Variants in MAP2 observed in about 807,000 individuals in gnomAD.
MAP2 encodes microtubule associated protein 2.
A neutral mutation model predicts 137.6 loss-of-function variants in MAP2; 14 were observed. The observed-to-expected ratio is 0.10, with a 90% confidence interval of 0.07 to 0.16. The LOEUF (loss-of-function observed/expected upper bound fraction) is 0.16, where lower values mean the gene tolerates loss of function less well. MAP2 is among the 10% of genes least tolerant of loss of function. MAP2 has a pLI of 1.00. For synonymous variants in MAP2, 786 were observed against 782.3 expected, an observed-to-expected ratio of 1.00 and a Z score of -0.08; for missense variants, 2,088 against 2,191.5, an observed-to-expected ratio of 0.95 and a Z score of 0.94.
intron 3 of MAP2, among the ~76,000 whole-genome samples, chr2:209,589,225 T>C (rs2078591858): frequency 6.6e-6 from 1 of 152,078 alleles, no homozygotes; most frequent in African/African-American, 2.4e-5. Flanking sequence ...TTCTAAGACG[T>C]GGTGTTCCAA....
intron 2 of MAP2, chr2:209,579,615 A>T (rs1039744467): frequency 6.6e-6 from 1 of 152,236 alleles, no homozygotes; most frequent in East Asian, 1.9e-4. Context: ...GCACACACAG[A>T]CACGAGCTGG....
chr2:209,650,041 G>A (rs1014940787), intron 4 of MAP2, among the ~76,000 whole-genome samples: 2 of 152,174 alleles, frequency 1.3e-5, no homozygotes, highest in Admixed American at 1.3e-4. Context: ...CTCTATTTAA[G>A]TGTTGGTTTG....
At chr2:209,621,765 C>T (rs920724916) in intron 3 of MAP2, among the ~76,000 whole-genome samples, 2 of 152,154 alleles carry the variant, frequency 1.3e-5, no homozygotes, top group Non-Finnish European at 2.9e-5. Flanking sequence ...CTCCAGGAGA[C>T]TCTGAAAATC....
chr2:209,504,270 A>G (rs531596366), intron 1 of MAP2, among the ~76,000 whole-genome samples: 232 of 152,008 alleles, frequency 1.5e-3, no homozygotes, highest in African/African-American at 5.1e-3. Flanking sequence ...GAACTTTAAA[A>G]AAAAAAATCC....
chr2:209,630,224 AGGGT>A (rs2092842588), intron 4 of MAP2, among the ~76,000 whole-genome samples: 2 of 152,156 alleles, frequency 1.3e-5, no homozygotes, highest in Admixed American at 1.3e-4. Flanking sequence ...AGATCTTATG[AGGGT>A]CTAGAATCAG....
chr2:209,666,209 G>T (rs148192301), intron 5 of MAP2, among the ~76,000 whole-genome samples: 1 of 152,050 alleles, frequency 6.6e-6, no homozygotes, highest in Non-Finnish European at 1.5e-5. Flanking sequence ...GCTGACCTGG[G>T]GAAAGTGGCT....
At chr2:209,668,890 T>A (rs1000930757) in intron 5 of MAP2, among the ~76,000 whole-genome samples, 1 of 152,074 alleles carries the variant, frequency 6.6e-6, no homozygotes, top group Non-Finnish European at 1.5e-5. Context: ...TTTTCAGAAG[T>A]TCATAGTGTA....
At chr2:209,591,051 T>C (rs919197887) in intron 3 of MAP2, among the ~76,000 whole-genome samples, 1 of 152,162 alleles carries the variant, frequency 6.6e-6, no homozygotes, top group African/African-American at 2.4e-5. Context: ...TGTTTGTTTG[T>C]TTTTGTTTTT....
chr2:209,502,083 A>G (rs1276661001), intron 1 of MAP2, among the ~76,000 whole-genome samples: 2 of 152,162 alleles, frequency 1.3e-5, no homozygotes, highest in Non-Finnish European at 2.9e-5. Flanking sequence ...CTCCTCACAC[A>G]CTTATTGTTT....
At chr2:209,450,975 A>G (rs1038623829) in intron 1 of MAP2, among the ~76,000 whole-genome samples, 25 of 151,752 alleles carry the variant, frequency 1.6e-4, no homozygotes, top group Non-Finnish European at 5.9e-5. Context: ...TTATGAAATA[A>G]TTTTTTTTCC....
chr2:209,572,009 C>T (rs932370194), intron 2 of MAP2, among the ~76,000 whole-genome samples: 7 of 151,306 alleles, frequency 4.6e-5, no homozygotes, highest in Non-Finnish European at 4.4e-5. Context: ...ATGAATATCT[C>T]GGAGGTTCAA....
chr2:209,574,531 C>G (rs1559337470), intron 2 of MAP2, among the ~76,000 whole-genome samples: 1 of 152,022 alleles, frequency 6.6e-6, no homozygotes, highest in Non-Finnish European at 1.5e-5. Context: ...CATATCTTAG[C>G]TATTGTGAAT....
At chr2:209,564,160 A>C (rs918420421) in intron 2 of MAP2, among the ~76,000 whole-genome samples, 1 of 152,222 alleles carries the variant, frequency 6.6e-6, no homozygotes, top group Non-Finnish European at 1.5e-5. Context: ...ATGAATAGAA[A>C]AATGAAGGGA....
At chr2:209,544,862 C>T (rs2067735617) in intron 2 of MAP2, among the ~76,000 whole-genome samples, 1 of 152,192 alleles carries the variant, frequency 6.6e-6, no homozygotes, top group African/African-American at 2.4e-5. Context: ...AATACAATTA[C>T]AGCAAGTACT....
chr2:209,537,025 CTA>C (rs1277399192), intron 2 of MAP2, among the ~76,000 whole-genome samples: 4 of 152,004 alleles, frequency 2.6e-5, no homozygotes, highest in Non-Finnish European at 5.9e-5. Context: ...ACAGGCATAC[CTA>C]ATTTTGTTGT....
At chr2:209,700,210 A>C in intron 10 of MAP2, 67 bp from the exon 11 acceptor site, 1 of 1,305,824 alleles carries the variant, frequency 7.7e-7, no homozygotes, top group Non-Finnish European at 1.1e-6. Context: ...TCCTACAGGT[A>C]TTTAAAACTG....
chr2:209,588,401 T>A (rs930131094), intron 3 of MAP2, among the ~76,000 whole-genome samples: 5 of 152,216 alleles, frequency 3.3e-5, no homozygotes, highest in Non-Finnish European at 7.3e-5. Flanking sequence ...GATTCTCTCC[T>A]GGTGTTAATG....
rs1047114324 is a variant in MAP2 at position 209,700,765 on chromosome 2, T to A, written c.4584+427T>A. Among the ~76,000 whole-genome samples, 4 of 152,124 alleles carry A rather than the reference T, an allele frequency of 2.6e-5. No individual in the cohort carries two copies. The South Asian group carries it at 8.3e-4, about 32-fold the overall frequency. ...ACAAGCAGAAAGAAGTAGAAATCAA[T>A]TATAATCCTCTTATCATAAAGATAA... On this transcript the variant is annotated intron_variant, in intron 11 of 15. Coordinates refer to ENST00000682079, the MANE Select transcript of MAP2 (RefSeq NM_001375505.1).
chr2:209,653,940 G>C (rs1401266297), intron 5 of MAP2, among the ~76,000 whole-genome samples: 1 of 152,160 alleles, frequency 6.6e-6, no homozygotes, highest in Non-Finnish European at 1.5e-5. Context: ...GCAAGAAATG[G>C]TCCCAGAACT....
Sources: gnomAD v4.1 joint callset for allele counts (sites outside exome capture counted in the v4.1 genomes callset) on GRCh38, gnomAD v4.1.1 for gene constraint, MANE v1.5 for transcripts, NCBI Gene and HGNC (gene_info 2026-07-23, HGNC 2026-07-21) for gene names.